ANXA11: variants seen among roughly 807,000 people sequenced by gnomAD.
ANXA11 encodes the protein 56 kDa autoantigen.
In ANXA11, 57 loss-of-function variants were observed where a neutral mutation model predicts 64.7. The ratio of observed to expected loss-of-function variants is 0.88; its 90% CI spans 0.71 to 1.10. The LOEUF is 1.10. ANXA11 is among the 50% of genes least tolerant of loss of function. The pLI is 0.00. For missense variants in ANXA11, 675 were observed against 670.7 expected, an observed-to-expected ratio of 1.01 and a Z score of -0.07; for synonymous variants, 260 against 265.2, an observed-to-expected ratio of 0.98 and a Z score of 0.19.
chr10:80,200,596 A>C (rs1057085687), intron 1 of ANXA11, among the ~76,000 whole-genome samples: 5 of 152,268 alleles, frequency 3.3e-5, no homozygotes, highest in Admixed American at 1.3e-4. Flanking sequence ...ACCTCTCAGA[A>C]TCTGACAGCC....
chr10:80,200,226 C>A (rs1027536681), intron 1 of ANXA11, among the ~76,000 whole-genome samples: 1 of 152,190 alleles, frequency 6.6e-6, no homozygotes, highest in Non-Finnish European at 1.5e-5. Context: ...GATTACTAAC[C>A]GCTCCATGTG....
In ANXA11 at chr10:80,155,862, G is replaced by C; in HGVS notation, c.1509C>G (p.Gly503=). ...AGCCACCAGTCACTGTTCAGTCATT[G>C]CCACCACAGATCTTCAGCAGAATCT... The part of the protein sequence containing the change: ...YRKILLKICG[G]ND The change falls in exon 16 of 16, where the codon GGC becomes GGG. Residue 503 remains glycine, a synonymous_variant. Coordinates refer to ENST00000422982, the MANE Select transcript of ANXA11 (RefSeq NM_145868.2). 1 of 1,614,186 alleles carries C rather than the reference G, an allele frequency of 6.2e-7. No individual in the cohort carries two copies. Among genetic ancestry groups the C allele is most frequent in the African/African-American group, 1.3e-5 (1 of 75,056 alleles).
chr10:80,203,608 C>A (rs958269950), intron 1 of ANXA11, among the ~76,000 whole-genome samples: 17 of 152,122 alleles, frequency 1.1e-4, no homozygotes, highest in African/African-American at 4.1e-4. Flanking sequence ...CAGAAACAGC[C>A]CCCACCCTCC....
At chr10:80,199,945 G>T (rs1840346421) in intron 1 of ANXA11, among the ~76,000 whole-genome samples, 1 of 152,102 alleles carries the variant, frequency 6.6e-6, no homozygotes, top group Non-Finnish European at 1.5e-5. Flanking sequence ...CTGACTTCTG[G>T]CCCTGAGAAG....
In ANXA11 at chr10:80,158,032, G is replaced by C; in HGVS notation, c.1277-7C>G. 1 of 1,613,906 alleles carries C rather than the reference G, an allele frequency of 6.2e-7. No individual in the cohort carries two copies. Among genetic ancestry groups the C allele is most frequent in the Admixed American group, 1.7e-5 (1 of 60,022 alleles). On this transcript the variant is annotated splice_polypyrimidine_tract_variant and splice_region_variant and intron_variant, in intron 13 of 15. Transcript: ENST00000422982. ...GTATTCTTGAGACATTTCACTAGAA[G>C]AGAGAAACTCGGCATAACCAGATCT...
intron 2 of ANXA11, among the ~76,000 whole-genome samples, chr10:80,175,585 T>C (rs1186490569): frequency 1.4e-5 from 2 of 145,790 alleles, no homozygotes; most frequent in African/African-American, 5.0e-5. Context: ...AAGAGACAAA[T>C]TAAAAAAAAA....
chr10:80,166,854 C>G, intron 7 of ANXA11, 36 bp downstream of exon 7: 1 of 1,493,214 alleles, frequency 6.7e-7, no homozygotes, highest in Non-Finnish European at 9.2e-7. Context: ...GCCCAGGACA[C>G]GCCTCACTGT....
chr10:80,167,215 G>C lies in ANXA11; in HGVS notation c.649+11C>G. On this transcript the variant is annotated intron_variant, in intron 6 of 15. Transcript: ENST00000422982. ...CAGGGAGTAGGATTTGAGCCACCCA[G>C]GGTCTCTTACCGAAGCCTTTCATGG... 1 of 1,613,350 alleles carries C rather than the reference G, an allele frequency of 6.2e-7. No homozygotes were observed. The highest frequency in any genetic ancestry group is 1.3e-5 in the African/African-American group (1 of 75,032).
intron 1 of ANXA11, among the ~76,000 whole-genome samples, 200 bp downstream of exon 1, chr10:80,205,143 G>C (rs911424465): frequency 5.9e-5 from 9 of 152,086 alleles, no homozygotes; most frequent in African/African-American, 2.2e-4. Flanking sequence ...CTGATCTAGG[G>C]GGCTGCCAGG....
chr10:80,156,443 G>A (rs773654807), intron 15 of ANXA11: 11 of 471,828 alleles, frequency 2.3e-5, no homozygotes, highest in East Asian at 2.1e-4. Flanking sequence ...CAACTTGAGG[G>A]CAAGGCATGT....
intron 5 of ANXA11, 73 bp downstream of exon 5, chr10:80,168,896 A>G (rs1306869087): frequency 2.1e-6 from 3 of 1,414,066 alleles, no homozygotes; most frequent in Admixed American, 6.6e-5. Context: ...CTGTCTCCCC[A>G]TCTACTGAGC....
Position 80,163,373 on chromosome 10 carries a change from C to T in ANXA11, c.1062G>A (p.Met354Ile). The change falls in exon 11 of 16, where the codon ATG (methionine) becomes ATA (isoleucine). Residue 354 changes from methionine (M) to isoleucine (I), a missense_variant. By Grantham distance (10) the Met-to-Ile change is conservative (BLOSUM62 1). Transcript: ENST00000422982. The part of the protein sequence containing the change: ...GNRDESTNVD[M>I]SLAQRDAQEL... ...CCTGGGCATCTCTCTGGGCGAGTGA[C>T]ATGTCCACGTTTGTGCTTTCATCAC... The T allele has an allele frequency of 1.2e-6, 2 of 1,613,770 alleles. No individual in the cohort carries two copies. The highest frequency in any genetic ancestry group is 3.3e-5 in the Admixed American group (2 of 60,028).
chr10:80,173,530 GT>G (rs1846058395), intron 2 of ANXA11, among the ~76,000 whole-genome samples: 4 of 152,228 alleles, frequency 2.6e-5, no homozygotes, highest in Non-Finnish European at 5.9e-5. Context: ...TTGCAGATCT[GT>G]CAGTAAGGGA....
Position 80,203,939 on chromosome 10 carries a change from T to A in ANXA11, c.-58+1404A>T, listed in dbSNP as rs1226369490. 3.9e-5 allele frequency among the ~76,000 whole-genome samples: 6 copies of A among 152,244 alleles called. No homozygotes were observed. In the East Asian group the frequency reaches 1.2e-3, roughly 29 times the overall value. ...ATTGACCCTTACACCTGATTATTTA[T>A]GACCCAGGCCTGCCTCACACACTTT... On this transcript the variant is annotated intron_variant, in intron 1 of 15. Transcript: ENST00000422982.
At chr10:80,174,731 T>C (rs1258536251) in intron 2 of ANXA11, among the ~76,000 whole-genome samples, 1 of 152,098 alleles carries the variant, frequency 6.6e-6, no homozygotes, top group African/African-American at 2.4e-5. Context: ...CTAATTTTTG[T>C]ATTTTTAGTA....
chr10:80,170,950 A>G, intron 3 of ANXA11, 35 bp from the exon 4 acceptor site: 2 of 1,564,414 alleles, frequency 1.3e-6, no homozygotes, highest in South Asian at 2.4e-5. Context: ...GCCCCCTGCC[A>G]GTCCCCCACC....
chr10:80,162,532 C>G (rs1286281837), intron 11 of ANXA11, among the ~76,000 whole-genome samples: 1 of 152,232 alleles, frequency 6.6e-6, no homozygotes, highest in Non-Finnish European at 1.5e-5. Context: ...GGCTCTGCTT[C>G]TAGCTTTCAG....
intron 1 of ANXA11, among the ~76,000 whole-genome samples, chr10:80,196,827 T>C (rs561058999): frequency 3.9e-5 from 6 of 152,140 alleles, no homozygotes; most frequent in Non-Finnish European, 5.9e-5. Context: ...ATGTTAATCA[T>C]TAGCCAGGCT....
intron 1 of ANXA11, among the ~76,000 whole-genome samples, chr10:80,190,694 C>T (rs1846736322): frequency 6.6e-6 from 1 of 150,802 alleles, no homozygotes; most frequent in South Asian, 2.1e-4. Context: ...ACCATGTCAG[C>T]CAAGATGGTC....
Sources: allele counts gnomAD v4.1 joint callset (sites outside exome capture counted in the v4.1 genomes callset), GRCh38; gene constraint gnomAD v4.1.1; transcripts MANE v1.5; gene names NCBI Gene and HGNC (gene_info 2026-07-23, HGNC 2026-07-21).